UBAP2: variants seen among roughly 807,000 people sequenced by gnomAD.
The protein encoded by UBAP2 is ubiquitin-associated protein 2.
A neutral mutation model predicts 139.6 loss-of-function variants in UBAP2; 75 were observed. The observed-to-expected ratio is 0.54, with a 90% CI of 0.45 to 0.65. The LOEUF is 0.65. UBAP2 is among the 30% of genes least tolerant of loss of function. The probability of loss-of-function intolerance (pLI) is 0.00; values close to 1 mark genes in which losing one functional copy is unlikely to be tolerated. For synonymous variants in UBAP2, 526 were observed against 526.2 expected, an observed-to-expected ratio of 1.00 and a Z score of 0.01; for missense variants, 1,368 against 1,369.6, an observed-to-expected ratio of 1.00 and a Z score of 0.02.
intron 2 of UBAP2, among the ~76,000 whole-genome samples, chr9:34,004,970 TTG>T (rs1490466000): frequency 6.7e-6 from 1 of 150,326 alleles, no homozygotes; most frequent in African/African-American, 2.4e-5. Flanking sequence ...TTAAATCCCA[TTG>T]AAAACAACAG....
chr9:34,025,030 G>A (rs944184230), intron 1 of UBAP2, among the ~76,000 whole-genome samples: 6 of 151,888 alleles, frequency 4.0e-5, no homozygotes, highest in African/African-American at 7.3e-5. Flanking sequence ...TTAAATCAAG[G>A]TAAAAGCGTA....
At chr9:34,026,096 C>T (rs1825377682) in intron 1 of UBAP2, among the ~76,000 whole-genome samples, 1 of 152,140 alleles carries the variant, frequency 6.6e-6, no homozygotes, top group Non-Finnish European at 1.5e-5. Context: ...TGTATATACC[C>T]TAAACGAAAA....
intron 3 of UBAP2, chr9:33,997,535 C>T (rs1264013333): frequency 6.6e-6 from 1 of 152,180 alleles, no homozygotes; most frequent in Non-Finnish European, 1.5e-5. Context: ...TTTTATCAAG[C>T]AGCAAAAGTT....
At chr9:33,951,164 G>A (rs1221176064) in intron 12 of UBAP2, among the ~76,000 whole-genome samples, 1 of 151,954 alleles carries the variant, frequency 6.6e-6, no homozygotes, top group African/African-American at 2.4e-5. Context: ...TATGATTACA[G>A]GGCATGTGCC....
At chr9:34,015,748 G>T (rs1476736105) in intron 2 of UBAP2, among the ~76,000 whole-genome samples, 1 of 152,136 alleles carries the variant, frequency 6.6e-6, no homozygotes, top group Admixed American at 6.6e-5. Flanking sequence ...ACCCAGGCTG[G>T]AGTGCAGTAG....
At chr9:33,948,341 G>A in intron 13 of UBAP2, 33 bp downstream of exon 13, 8 of 1,547,034 alleles carry the variant, frequency 5.2e-6, no homozygotes, top group South Asian at 1.2e-5. Context: ...AACGTCCTCA[G>A]TAGGGGCAAA....
At chr9:34,048,618 G>A (rs557404588) in intron 1 of UBAP2, among the ~76,000 whole-genome samples, 1 of 152,296 alleles carries the variant, frequency 6.6e-6, no homozygotes, top group Non-Finnish European at 1.5e-5. Context: ...AGGGCAACGT[G>A]AGGGGAAGAG....
chr9:34,023,535 T>C (rs533397118), intron 1 of UBAP2, among the ~76,000 whole-genome samples: 3 of 152,328 alleles, frequency 2.0e-5, no homozygotes, highest in African/African-American at 7.2e-5. Flanking sequence ...AGACTATATC[T>C]CCTTCCAATC....
intron 1 of UBAP2, among the ~76,000 whole-genome samples, chr9:34,041,180 C>T (rs893080241): frequency 2.0e-5 from 3 of 151,874 alleles, no homozygotes; most frequent in Admixed American, 6.6e-5. Context: ...GGGCCGGGCA[C>T]GATGGCTAAC....
chr9:33,929,175 C>G (rs933066130), intron 19 of UBAP2, among the ~76,000 whole-genome samples: 2 of 152,236 alleles, frequency 1.3e-5, no homozygotes, highest in African/African-American at 2.4e-5. Flanking sequence ...AAATCTGGAG[C>G]AGCTCTGACC....
intron 4 of UBAP2, among the ~76,000 whole-genome samples, chr9:33,993,525 AGCC>A (rs1821891190): frequency 1.3e-5 from 2 of 152,210 alleles, no homozygotes; most frequent in Non-Finnish European, 2.9e-5. Context: ...AAAAATGATT[AGCC>A]AAGCGTAGTG....
chr9:34,006,203 C>T (rs746083862), intron 2 of UBAP2, among the ~76,000 whole-genome samples: 1 of 149,680 alleles, frequency 6.7e-6, no homozygotes, highest in African/African-American at 2.5e-5. Context: ...CATTGCACTC[C>T]AGCCTGGGAG....
chr9:33,995,965 G>A, intron 4 of UBAP2: 1 of 338,468 alleles, frequency 3.0e-6, no homozygotes, highest in Non-Finnish European at 5.4e-6. Context: ...ATATACACAG[G>A]CACAGAGATT....
chr9:33,929,389 C>G (rs558870848), intron 19 of UBAP2, among the ~76,000 whole-genome samples: 54 of 152,252 alleles, frequency 3.5e-4, no homozygotes, highest in African/African-American at 1.2e-3. Context: ...ACTGGGAGTA[C>G]ATCAACCTGC....
chr9:33,971,743 G>T lies in UBAP2; in HGVS notation c.587C>A (p.Pro196His), dbSNP rs1827932945. Reference protein sequence around the residue: ...FSTQGMGTFNPADYSDSTSTD... With the variant: ...FSTQGMGTFNHADYSDSTSTD... ...AGATGTAGAATCTGAATAGTCTGCAGGATTAAATGTCCTGGGGTTTGAAAT... is the reference window on the plus strand; with the variant it reads ...AGATGTAGAATCTGAATAGTCTGCATGATTAAATGTCCTGGGGTTTGAAAT... Residue 196 changes from proline to histidine, a missense_variant, in exon 8 of 29, where the codon CCT becomes CAT. Coordinates refer to ENST00000379238, the MANE Select transcript of UBAP2 (RefSeq NM_001370062.2). The T allele has an allele frequency of 1.3e-6, 2 of 1,595,664 alleles. No individual in the cohort carries two copies. Among genetic ancestry groups the T allele is most frequent in the Admixed American group, 1.7e-5 (1 of 59,964 alleles).
At chr9:33,941,332 AG>A (rs1231856996) in intron 16 of UBAP2, among the ~76,000 whole-genome samples, 1 of 152,248 alleles carries the variant, frequency 6.6e-6, no homozygotes, top group African/African-American at 2.4e-5. Context: ...GGGCAATCAG[AG>A]AGAAAGCAGT....
intron 7 of UBAP2, among the ~76,000 whole-genome samples, chr9:33,972,260 G>A (rs1387511794): frequency 6.6e-6 from 1 of 152,088 alleles, no homozygotes; most frequent in Non-Finnish European, 1.5e-5. Context: ...CAGTTTAATC[G>A]AATCATGGTT....
chr9:34,016,104 A>G (rs887569301), intron 2 of UBAP2, among the ~76,000 whole-genome samples: 1 of 151,892 alleles, frequency 6.6e-6, no homozygotes, highest in Non-Finnish European at 1.5e-5. Flanking sequence ...GGGAGAGGAG[A>G]TGATGATGAA....
chr9:33,961,657 G>A (rs1224204136), intron 9 of UBAP2, among the ~76,000 whole-genome samples: 1 of 152,178 alleles, frequency 6.6e-6, no homozygotes, highest in African/African-American at 2.4e-5. Context: ...GACAACCCCA[G>A]AAAGAGGGAT....
Sources: gnomAD v4.1 joint callset for allele counts (sites outside exome capture counted in the v4.1 genomes callset) on GRCh38, gnomAD v4.1.1 for gene constraint, MANE v1.5 for transcripts, NCBI Gene and HGNC (gene_info 2026-07-23, HGNC 2026-07-21) for gene names.